Variants in NEDD4L observed in about 807,000 individuals in gnomAD.
NEDD4L encodes the protein NEDD4 like E3 ubiquitin protein ligase, also known as E3 ubiquitin-protein ligase NEDD4-like.
NEDD4L carries 54 observed loss-of-function variants against 148.9 expected under a neutral mutation model. The observed-to-expected ratio is 0.36, with a 90% CI of 0.29 to 0.45. The LOEUF (loss-of-function observed/expected upper bound fraction) is 0.45. Ranked by LOEUF, NEDD4L falls within the 20% of genes least tolerant of loss-of-function variation. NEDD4L has a pLI of 1.00. For missense variants in NEDD4L, 856 were observed against 1,233.8 expected, an observed-to-expected ratio of 0.69 and a Z score of 4.59; for synonymous variants, 433 against 440.7, an observed-to-expected ratio of 0.98 and a Z score of 0.22.
chr18:58,126,063 A>G (rs913383481), intron 1 of NEDD4L, among the ~76,000 whole-genome samples: 1 of 152,248 alleles, frequency 6.6e-6, no homozygotes, highest in Admixed American at 6.5e-5. Context: ...GACTCCCTTT[A>G]GCCTTGAAGG....
At chr18:58,242,554 G>A (rs60418930) in intron 2 of NEDD4L, among the ~76,000 whole-genome samples, 29,541 of 151,924 alleles carry the variant, frequency 0.19, 3,187 homozygotes, top group East Asian at 0.44. Flanking sequence ...ATCCTGGAGT[G>A]CAGTGGCACA....
chr18:58,193,807 A>C (rs1157044395), intron 2 of NEDD4L: 2 of 152,238 alleles, frequency 1.3e-5, no homozygotes. Flanking sequence ...TGAACAGCTA[A>C]GTCTTGCTCA....
chr18:58,115,359 TA>T (rs1598893494), intron 1 of NEDD4L, among the ~76,000 whole-genome samples: 1 of 151,866 alleles, frequency 6.6e-6, no homozygotes, highest in South Asian at 2.1e-4. Context: ...AAAGCAGTCC[TA>T]GGGGAGATGC....
At chr18:58,226,768 G>A (rs1159330504) in intron 2 of NEDD4L, among the ~76,000 whole-genome samples, 4 of 152,148 alleles carry the variant, frequency 2.6e-5, no homozygotes, top group African/African-American at 9.7e-5. Context: ...CACTGCTACA[G>A]CTGACAGAGA....
At chr18:58,229,554 A>C (rs753516987) in intron 2 of NEDD4L, among the ~76,000 whole-genome samples, 4 of 152,204 alleles carry the variant, frequency 2.6e-5, no homozygotes, top group Non-Finnish European at 4.4e-5. Context: ...CTTTAATATT[A>C]TCTCATTCCA....
At chr18:58,181,596 A>AT (rs1251618127) in intron 2 of NEDD4L, among the ~76,000 whole-genome samples, 24 of 149,764 alleles carry the variant, frequency 1.6e-4, no homozygotes, top group Middle Eastern at 3.4e-3. Flanking sequence ...TGCCCAGCTA[A>AT]TTTTTTTTTT....
At chr18:58,159,916 C>T (rs1237371996) in intron 1 of NEDD4L, among the ~76,000 whole-genome samples, 1 of 152,158 alleles carries the variant, frequency 6.6e-6, no homozygotes, top group Admixed American at 6.5e-5. Context: ...ACTTATTGTC[C>T]GCTTGGACAG....
rs1311829011 is a variant in NEDD4L at position 58,276,998 on chromosome 18, AT to A, written c.297+24950del. ...TTTGTTTTTCCCTTGGGGAGTATTT[AT>A]TTTTTAGTGCCAGGCTCCGGGTTGG... is the stretch of plus-strand genomic sequence containing the variant. On this transcript the variant is annotated intron_variant, in intron 5 of 30. Coordinates refer to ENST00000400345, the MANE Select transcript of NEDD4L (RefSeq NM_001144967.3). Among the ~76,000 whole-genome samples the A allele has an allele frequency of 5.3e-5, 8 of 151,990 alleles. No individual in the cohort carries two copies. The South Asian group carries it at 1.7e-3, about 32-fold the overall frequency.
intron 1 of NEDD4L, among the ~76,000 whole-genome samples, chr18:58,145,594 C>T (rs1379444194): frequency 6.6e-6 from 1 of 151,500 alleles, no homozygotes; most frequent in Non-Finnish European, 1.5e-5. Context: ...CTACTCTAGC[C>T]AATTTTATCA....
intron 2 of NEDD4L, among the ~76,000 whole-genome samples, chr18:58,172,432 G>A (rs1000178703): frequency 2.6e-5 from 4 of 152,216 alleles, no homozygotes; most frequent in African/African-American, 9.6e-5. Context: ...GGAGGGTAGA[G>A]TTTCAGCAGC....
intron 1 of NEDD4L, among the ~76,000 whole-genome samples, chr18:58,097,857 C>T (rs1408798515): frequency 1.3e-5 from 2 of 152,074 alleles, no homozygotes; most frequent in East Asian, 3.9e-4. Flanking sequence ...CATAGCTAGA[C>T]CCCATCTCTA....
intron 12 of NEDD4L, among the ~76,000 whole-genome samples, chr18:58,335,165 G>C (rs1024012595): frequency 6.6e-6 from 1 of 152,170 alleles, no homozygotes. Flanking sequence ...GGAGATTTCA[G>C]AATCTGCTAA....
chr18:58,333,738 G>A (rs1223784183), intron 11 of NEDD4L, 80 bp from the exon 12 acceptor site: 1 of 927,818 alleles, frequency 1.1e-6, no homozygotes, highest in South Asian at 1.4e-5. Context: ...ATATGGTTGA[G>A]TGATATGTTT....
intron 2 of NEDD4L, among the ~76,000 whole-genome samples, chr18:58,234,944 C>A (rs774094624): frequency 6.6e-6 from 1 of 151,998 alleles, no homozygotes; most frequent in Non-Finnish European, 1.5e-5. Flanking sequence ...GAATCCCTTC[C>A]CTCCGACAAT....
At chr18:58,226,028 A>G (rs1008390004) in intron 2 of NEDD4L, among the ~76,000 whole-genome samples, 1 of 152,208 alleles carries the variant, frequency 6.6e-6, no homozygotes, top group Admixed American at 6.5e-5. Context: ...AAGAAAACCA[A>G]CCTTTAGAAA....
chr18:58,324,432 T>G (rs1451531047), intron 8 of NEDD4L, among the ~76,000 whole-genome samples: 1 of 152,184 alleles, frequency 6.6e-6, no homozygotes, highest in Non-Finnish European at 1.5e-5. Flanking sequence ...CTCCTGCGGT[T>G]GTTTGGGATG....
chr18:58,133,816 G>A (rs1003075408), intron 1 of NEDD4L, among the ~76,000 whole-genome samples: 1 of 152,120 alleles, frequency 6.6e-6, no homozygotes, highest in African/African-American at 2.4e-5. Flanking sequence ...AATGGTAGAT[G>A]CTCAAGCCAG....
intron 1 of NEDD4L, among the ~76,000 whole-genome samples, chr18:58,163,741 T>C (rs2080047127): frequency 6.6e-6 from 1 of 152,122 alleles, no homozygotes; most frequent in Non-Finnish European, 1.5e-5. Flanking sequence ...TGGGGATACG[T>C]GGTTGGATGG....
chr18:58,169,397 T>G (rs749479482), intron 2 of NEDD4L, among the ~76,000 whole-genome samples: 21 of 152,104 alleles, frequency 1.4e-4, no homozygotes, highest in Non-Finnish European at 2.4e-4. Context: ...ACTGGGACGC[T>G]TTTGTCTGGA....
Sources: allele counts gnomAD v4.1 joint callset (sites outside exome capture counted in the v4.1 genomes callset), GRCh38; gene constraint gnomAD v4.1.1; transcripts MANE v1.5; gene names NCBI Gene and HGNC (gene_info 2026-07-23, HGNC 2026-07-21).